Variants in C8A observed in about 807,000 individuals in gnomAD.
C8A encodes complement component C8 alpha chain.
C8A carries 67 observed loss-of-function variants against 65.3 expected under a neutral mutation model. The observed-to-expected ratio is 1.03, with a 90% CI of 0.84 to 1.26. The LOEUF (loss-of-function observed/expected upper bound fraction) is 1.26, where lower values mean the gene tolerates loss of function less well. C8A is among the 50% of genes most tolerant of loss of function. The pLI is 0.00. For synonymous variants in C8A, 290 were observed against 259.4 expected (o/e 1.12, Z -1.13); for missense variants, 781 against 723.9 (o/e 1.08, Z -0.90).
Position 56,885,925 on chromosome 1 carries a change from A to C in C8A, c.856-2A>C. The C allele has an allele frequency of 6.2e-7, 1 of 1,613,920 alleles. No homozygotes were observed. The highest frequency in any genetic ancestry group is 8.5e-7 in the Non-Finnish European group (1 of 1,179,908). ...GCTTTATTCAATGGCGGTTGCTGGC[A>C]GAAATTCATTTTCACAAGAATCTTC... On this transcript the variant is annotated splice_acceptor_variant, in intron 6 of 10. Coordinates refer to ENST00000361249, the MANE Select transcript of C8A (RefSeq NM_000562.3). LOFTEE classifies it high-confidence loss of function.
chr1:56,908,662 C>A (rs556027445), intron 9 of C8A, among the ~76,000 whole-genome samples: 103 of 152,288 alleles, frequency 6.8e-4, no homozygotes, highest in Non-Finnish European at 1.1e-3. Context: ...TTGCTACCAT[C>A]CTCCACAGTT....
chr1:56,911,292 A>G (rs911096166), intron 9 of C8A, among the ~76,000 whole-genome samples: 3 of 152,124 alleles, frequency 2.0e-5, no homozygotes, highest in Non-Finnish European at 4.4e-5. Context: ...ACTTAGTTTT[A>G]CCATGTGACA....
chr1:56,913,872 A>G (rs1281292919), intron 10 of C8A, among the ~76,000 whole-genome samples: 2 of 152,322 alleles, frequency 1.3e-5, no homozygotes, highest in Admixed American at 1.3e-4. Context: ...TGGCCATGTG[A>G]AAGAAACAGG....
At chr1:56,892,918 G>A (rs770793523) in intron 7 of C8A, among the ~76,000 whole-genome samples, 1 of 152,240 alleles carries the variant, frequency 6.6e-6, no homozygotes, top group Non-Finnish European at 1.5e-5. Flanking sequence ...AGAATAGAAA[G>A]TTAAACTGCT....
chr1:56,907,589 C>T (rs181428982), intron 8 of C8A, among the ~76,000 whole-genome samples: 138 of 152,286 alleles, frequency 9.1e-4, no homozygotes, highest in Non-Finnish European at 1.5e-3. Flanking sequence ...ATCTGTTGTA[C>T]CTATAGCACC....
intron 3 of C8A, 30 bp downstream of exon 3, chr1:56,875,123 G>T: frequency 6.2e-7 from 1 of 1,610,512 alleles, no homozygotes; most frequent in Non-Finnish European, 8.5e-7. Context: ...AATAACAGCT[G>T]TGCCTGTCAA....
At chr1:56,910,660 G>C (rs1052836645) in intron 9 of C8A, among the ~76,000 whole-genome samples, 3 of 152,196 alleles carry the variant, frequency 2.0e-5, no homozygotes, top group African/African-American at 7.2e-5. Flanking sequence ...CCAGTAAGTG[G>C]TTTTCTCCCC....
In C8A at chr1:56,874,990, A is replaced by G. The variant is rs765275559; in HGVS notation, c.213A>G (p.Gly71=). 1.9e-6 allele frequency: 3 copies of G among 1,613,770 alleles called. No homozygotes were observed. Among genetic ancestry groups the G allele is most frequent in the South Asian group, 2.2e-5 (2 of 91,068 alleles). ...RSLLQPNKFG[G]TICSGDIWDQ... ...TCTTGCAGCCAAACAAGTTTGGGGG[A>G]ACCATCTGCAGTGGTGACATCTGGG... Residue 71 remains glycine (G), a synonymous_variant, in exon 3 of 11, where the codon GGA becomes GGG. Coordinates refer to ENST00000361249, the MANE Select transcript of C8A (RefSeq NM_000562.3).
intron 1 of C8A, among the ~76,000 whole-genome samples, chr1:56,865,873 G>C (rs80081045): frequency 0.027 from 4,138 of 152,194 alleles, 81 homozygotes; most frequent in Non-Finnish European, 0.039. Flanking sequence ...ATATTTGTAA[G>C]GCACATACTC....
In C8A at chr1:56,912,553, G is replaced by A. The variant is rs765955499; in HGVS notation, c.1531G>A (p.Glu511Lys). ...CTTCAACAATGGGGTGCCCATCCTC[G>A]AGGGCACCAGCTGCAGGTGCCAGTG... ...PCFNNGVPIL[E>K]GTSCRCQCRL... The change falls in exon 10 of 11, where the codon GAG becomes AAG. Residue 511 changes from glutamate to lysine, a missense_variant. Transcript: ENST00000361249. The A allele has an allele frequency of 5.6e-6, 9 of 1,614,178 alleles. No homozygotes were observed. Among genetic ancestry groups the A allele is most frequent in the South Asian group, 1.1e-5 (1 of 91,082 alleles).
At chr1:56,898,943 C>CT in intron 7 of C8A, among the ~76,000 whole-genome samples, 1 of 152,292 alleles carries the variant, frequency 6.6e-6, no homozygotes, top group East Asian at 1.9e-4. Context: ...ATGTTCATGG[C>CT]TAAAGGCTCT....
chr1:56,886,278 AG>A, intron 7 of C8A, 111 bp downstream of exon 7: 6 of 1,271,344 alleles, frequency 4.7e-6, no homozygotes, highest in Non-Finnish European at 6.8e-6. Context: ...TTTAGTTTTT[AG>A]GACAACTCTA....
At chr1:56,885,395 A>ATTTATTTAAATATATATTTAC (rs1557705728) in intron 6 of C8A, among the ~76,000 whole-genome samples, 1 of 111,326 alleles carries the variant, frequency 9.0e-6, no homozygotes, top group African/African-American at 4.4e-5. Flanking sequence ...TATATATTTA[A>ATTTATTTAAATATATATTTAC]ATAAATATAT....
At chr1:56,890,720 G>A (rs1216296719) in intron 7 of C8A, among the ~76,000 whole-genome samples, 1 of 152,006 alleles carries the variant, frequency 6.6e-6, no homozygotes, top group Admixed American at 6.6e-5. Context: ...TAGAGTCTTT[G>A]TATTAGCCGT....
Position 56,875,112 on chromosome 1 carries a change from G to T in C8A, c.316+19G>T. The T allele has an allele frequency of 6.2e-7, 1 of 1,612,172 alleles. No homozygotes were observed. Among genetic ancestry groups the T allele is most frequent in the South Asian group, 1.1e-5 (1 of 90,756 alleles). ...GAGACAGGTGAGTAGCATTTCAGCA[G>T]AATAACAGCTGTGCCTGTCAAAAGT... On this transcript the variant is annotated intron_variant, in intron 3 of 10. Coordinates refer to ENST00000361249, the MANE Select transcript of C8A (RefSeq NM_000562.3).
chr1:56,895,334 A>C (rs1198051947), intron 7 of C8A, among the ~76,000 whole-genome samples: 7 of 152,174 alleles, frequency 4.6e-5, no homozygotes, highest in Admixed American at 4.6e-4. Flanking sequence ...CTCAGGAGAG[A>C]CTTGTGAAGA....
intron 7 of C8A, among the ~76,000 whole-genome samples, chr1:56,896,396 G>A (rs1644387443): frequency 6.6e-6 from 1 of 152,126 alleles, no homozygotes; most frequent in Non-Finnish European, 1.5e-5. Context: ...TTTCCAGTCT[G>A]AAGGCCAGCA....
intron 7 of C8A, among the ~76,000 whole-genome samples, chr1:56,906,289 AG>A (rs1030475294): frequency 2.4e-4 from 37 of 152,178 alleles, no homozygotes; most frequent in African/African-American, 7.5e-4. Context: ...CATTTAGAGT[AG>A]GGACAAATAT....
rs771109528 is a variant in C8A at position 56,886,138 on chromosome 1, T to A, written c.1067T>A (p.Val356Glu). Residue 356 changes from valine to glutamate, a missense_variant, in exon 7 of 11, where the codon GTG (valine) becomes GAG (glutamate). By Grantham distance (121) the Val-to-Glu change is moderately radical (BLOSUM62 -2). Coordinates refer to ENST00000361249, the MANE Select transcript of C8A (RefSeq NM_000562.3). ...GGTGGCATTTATGAATATATCCTGG[T>A]GATTGACAAAGCAAAAATGGAATCC... Reference protein sequence around the residue: ...SMGGIYEYILVIDKAKMESLG... With the variant: ...SMGGIYEYILEIDKAKMESLG... The A allele has an allele frequency of 2.5e-6, 4 of 1,613,994 alleles. No homozygotes were observed. The South Asian group carries it at 4.4e-5, about 18-fold the overall frequency.
Sources: allele counts gnomAD v4.1 joint callset (sites outside exome capture counted in the v4.1 genomes callset), GRCh38; gene constraint gnomAD v4.1.1; transcripts MANE v1.5; gene names NCBI Gene and HGNC (gene_info 2026-07-23, HGNC 2026-07-21).